Variants in MTA1 observed in about 807,000 individuals in gnomAD.
MTA1 encodes the protein metastasis associated 1, also known as metastasis-associated protein MTA1.
In MTA1, 15 loss-of-function variants were observed where a neutral mutation model predicts 97.0. The ratio of observed to expected loss-of-function variants is 0.15; its 90% confidence interval spans 0.10 to 0.24. The LOEUF is 0.24. MTA1 is among the 10% of genes least tolerant of loss of function. The pLI is 1.00. For missense variants in MTA1, 709 were observed against 1,015.1 expected, an observed-to-expected ratio of 0.70 and a Z score of 4.10; for synonymous variants, 435 against 417.5, an observed-to-expected ratio of 1.04 and a Z score of -0.51.
chr14:105,419,954 C>G lies in MTA1; in HGVS notation c.-82C>G. The stretch of plus-strand genomic sequence containing the variant: ...AAACGCCTGCGGCGCCCCCCGCCCC[C>G]GCCATCGCGCCTCCATTTTCCCGGC... On this transcript the variant is annotated 5_prime_UTR_variant, in exon 1 of 21. Coordinates refer to ENST00000331320, the MANE Select transcript of MTA1 (RefSeq NM_004689.4). 1.8e-6 allele frequency: 1 copy of G among 569,154 alleles called. No individual in the cohort carries two copies. Among genetic ancestry groups the G allele is most frequent in the Non-Finnish European group, 2.2e-6 (1 of 449,986 alleles). The allele number at this position is 569,154 out of a possible 1,614,324, so 35.3% of individuals were successfully genotyped here.
Position 105,452,912 on chromosome 14 carries a change from C to G in MTA1, c.433-1281C>G, listed in dbSNP as rs77796283. On this transcript the variant is annotated intron_variant, in intron 6 of 20. Transcript: ENST00000331320. ...CGGGTAAGGGCTGGAAAAGACGACCCACAGGAATCAGGAGGATGACCTGGA... is the reference window on the plus strand; with the variant it reads ...CGGGTAAGGGCTGGAAAAGACGACCGACAGGAATCAGGAGGATGACCTGGA... Among the ~76,000 whole-genome samples the G allele has an allele frequency of 1.9e-4, 29 of 152,338 alleles. No individual in the cohort carries two copies. The East Asian group carries it at 5.4e-3, about 28-fold the overall frequency.
At chr14:105,457,305 T>C (rs1260532837) in intron 7 of MTA1, among the ~76,000 whole-genome samples, 1 of 152,246 alleles carries the variant, frequency 6.6e-6, no homozygotes, top group Non-Finnish European at 1.5e-5. Flanking sequence ...CGGTCTTGTT[T>C]TTTGGCGAGT....
Position 105,469,469 on chromosome 14 carries a change from C to T in MTA1, c.1816C>T (p.Leu606=). ...KKRLLMPSRG[L]ANHGQARHMG... is the part of the protein sequence containing the mutation. ...TTCTCTCCTCCATTTCTCATCAGGTCTGGCAAACCACGGACAGGCCAGGCA... is the reference window on the plus strand; with the variant it reads ...TTCTCTCCTCCATTTCTCATCAGGTTTGGCAAACCACGGACAGGCCAGGCA... Residue 606 remains leucine, a splice_region_variant and synonymous_variant, in exon 19 of 21, where the codon CTG becomes TTG. Transcript: ENST00000331320. The T allele has an allele frequency of 6.2e-7, 1 of 1,612,980 alleles. No homozygotes were observed. The highest frequency in any genetic ancestry group is 8.5e-7 in the Non-Finnish European group (1 of 1,179,816).
At chr14:105,445,908 A>T in intron 3 of MTA1, 1 of 343,556 alleles carries the variant, frequency 2.9e-6, no homozygotes, top group Non-Finnish European at 5.6e-6. Flanking sequence ...TTTTGCGGAG[A>T]GGCTTCTGTT....
rs781908494 is a variant in MTA1, at chr14:105,466,445, C to G, written c.1644C>G (p.Pro548=). The G allele has an allele frequency of 1.2e-5, 19 of 1,596,560 alleles. No individual in the cohort carries two copies. The highest frequency in any genetic ancestry group is 1.7e-4 in the Middle Eastern group (1 of 5,998). The stretch of plus-strand genomic sequence containing the variant: ...CGGCAGAGACCCACCCCCGCCCCCC[C>G]AAGCCTGACCCCGTGAAAAGCGTGT... ...LRYLETHPRP[P]KPDPVKSVSS... is the part of the protein sequence containing the mutation. Residue 548 remains proline (P), a synonymous_variant, in exon 17 of 21, where the codon CCC becomes CCG. Transcript: ENST00000331320.
intron 15 of MTA1, 78 bp from the exon 16 acceptor site, chr14:105,465,016 C>A: frequency 7.0e-7 from 1 of 1,433,864 alleles, no homozygotes; most frequent in Non-Finnish European, 9.2e-7. Context: ...CCAGTGAGGG[C>A]TCCCAGGTCA....
intron 1 of MTA1, among the ~76,000 whole-genome samples, chr14:105,431,075 A>T (rs1555423237): frequency 1.3e-5 from 2 of 152,184 alleles, no homozygotes; most frequent in Non-Finnish European, 1.5e-5. Context: ...CCAGTCGGTT[A>T]TCCAGTGATT....
rs372915903 is a variant in MTA1, at chr14:105,460,779, T to C, written c.768T>C (p.Asp256=). 25 of 1,589,716 alleles carry C rather than the reference T, an allele frequency of 1.6e-5. No homozygotes were observed. The African/African-American group carries it at 3.0e-4, about 19-fold the overall frequency. ...SRDITLFHAM[D]TLHKNIYDIS... ...TCCTGCCGCAGTTCCACGCCATGGA[T>C]ACTCTCCACAAGAACATCTACGACA... Residue 256 remains aspartate, a synonymous_variant, in exon 10 of 21, where the codon GAT becomes GAC. Coordinates refer to ENST00000331320, the MANE Select transcript of MTA1 (RefSeq NM_004689.4).
rs1166908446 is a variant in MTA1, at chr14:105,423,215, A to ATTT, written c.28+3172_28+3174dup. 1.4e-3 allele frequency among the ~76,000 whole-genome samples: 156 copies of ATTT among 113,536 alleles called. 2 individuals are homozygous for ATTT. The highest frequency in any genetic ancestry group is 4.8e-3 in the African/African-American group (130 of 27,314). The allele number at this position is 113,536 out of a possible 152,430, so 74.5% of individuals were successfully genotyped here. On this transcript the variant is annotated intron_variant, in intron 1 of 20. Transcript: ENST00000331320. Reference sequence around the variant, plus strand: ...CCATCTTTTGGATTTTTTTTGTTTAATTTTTTTTTTTTTTTTTTTTTTGAG... The same window carrying ATTT: ...CCATCTTTTGGATTTTTTTTGTTTAATTTTTTTTTTTTTTTTTTTTTTTTTGAG...
chr14:105,464,919 A>G, intron 15 of MTA1, 56 bp downstream of exon 15: 2 of 1,504,074 alleles, frequency 1.3e-6, no homozygotes, highest in Non-Finnish European at 1.8e-6. Flanking sequence ...GGGAGAGAGC[A>G]GCAACCTTGG....
intron 1 of MTA1, among the ~76,000 whole-genome samples, chr14:105,434,026 C>G (rs1014772073): frequency 6.6e-6 from 1 of 152,188 alleles, no homozygotes; most frequent in Admixed American, 6.5e-5. Context: ...CAGGCTTTCA[C>G]CATGTTGGCC....
In MTA1 at chr14:105,466,428, A is replaced by AGG; in HGVS notation, c.1627_1628insGG (p.Thr543ArgfsTer12). 10 of 795,050 alleles carry AGG rather than the reference A, an allele frequency of 1.3e-5. No homozygotes were observed. The highest frequency in any genetic ancestry group is 1.9e-5 in the Non-Finnish European group (9 of 474,268). The allele number at this position is 795,050 out of a possible 1,614,324, so 49.2% of individuals were successfully genotyped here. A position where few individuals can be genotyped will look rare whatever the true frequency, so the allele number is the denominator to read the frequency against. On this transcript the variant is annotated frameshift_variant, in exon 17 of 21. Transcript: ENST00000331320. LOFTEE classifies it high-confidence loss of function. ...TCTGCCTGTGTCATTCCCGGCAGAGACCCACCCCCGCCCCCCCAAGCCTGA... is the reference window on the plus strand; with the variant it reads ...TCTGCCTGTGTCATTCCCGGCAGAGAGGCCCACCCCCGCCCCCCCAAGCCTGA...
At chr14:105,434,776 C>T (rs1365071865) in intron 1 of MTA1, among the ~76,000 whole-genome samples, 1 of 152,190 alleles carries the variant, frequency 6.6e-6, no homozygotes, top group African/African-American at 2.4e-5. Context: ...GCTGGGATTA[C>T]AGGCGTGAGC....
At chr14:105,464,180 A>C in intron 13 of MTA1, 33 bp downstream of exon 13, 5 of 1,582,704 alleles carry the variant, frequency 3.2e-6, no homozygotes, top group Non-Finnish European at 4.3e-6. Flanking sequence ...GGCACACCGC[A>C]CGCCCGCCTG....
Position 105,449,426 on chromosome 14 carries a change from G to A in MTA1, c.241+17G>A, listed in dbSNP as rs782589468. 4.8e-5 allele frequency: 78 copies of A among 1,608,712 alleles called. 1 individual carries two copies. The South Asian group carries it at 6.9e-4, about 14-fold the overall frequency. ...GCGAGGAAGGTAAGAGCCGGCCTCC[G>A]CAAGGAGGGCGTCCTCCTGTCTGTG... On this transcript the variant is annotated intron_variant, in intron 4 of 20. Coordinates refer to ENST00000331320, the MANE Select transcript of MTA1 (RefSeq NM_004689.4).
chr14:105,440,318 T>C (rs1247202767), intron 2 of MTA1, among the ~76,000 whole-genome samples: 1 of 152,246 alleles, frequency 6.6e-6, no homozygotes, highest in African/African-American at 2.4e-5. Flanking sequence ...CAGCTGACGC[T>C]GAACCATGGC....
At chr14:105,462,672 C>T (rs181701368) in intron 10 of MTA1, among the ~76,000 whole-genome samples, 86 of 152,134 alleles carry the variant, frequency 5.7e-4, no homozygotes, top group East Asian at 2.5e-3. Context: ...AGTTCGAGAC[C>T]GGCCTGGCCA....
intron 6 of MTA1, among the ~76,000 whole-genome samples, chr14:105,451,279 A>G (rs1379418120): frequency 6.6e-6 from 1 of 152,190 alleles, no homozygotes; most frequent in Non-Finnish European, 1.5e-5. Flanking sequence ...CATTCCCACC[A>G]CACAGCCTGG....
At position 105,464,809 on chromosome 14, in the gene MTA1, C is replaced by T. The variant is rs1555432159; in HGVS notation, c.1480C>T (p.His494Tyr). ...GTGCCGTGAGATCCTGCGCCCGTGG[C>T]ACGCTGCGCGGCACCCCTACCTGCC... ...RLCREILRPW[H>Y]AARHPYLPIN... Residue 494 changes from histidine (H) to tyrosine (Y), a missense_variant, in exon 15 of 21, where the codon CAC (histidine) becomes TAC (tyrosine). Transcript: ENST00000331320. The T allele has an allele frequency of 6.2e-7, 1 of 1,603,436 alleles. No individual in the cohort carries two copies. Among genetic ancestry groups the T allele is most frequent in the Non-Finnish European group, 8.5e-7 (1 of 1,172,912 alleles).
Sources: allele counts gnomAD v4.1 joint callset (sites outside exome capture counted in the v4.1 genomes callset), GRCh38; gene constraint gnomAD v4.1.1; transcripts MANE v1.5; gene names NCBI Gene and HGNC (gene_info 2026-07-23, HGNC 2026-07-21).